NKAIN2: variants seen among roughly 807,000 people sequenced by gnomAD.
NKAIN2 encodes sodium/potassium-transporting ATPase subunit beta-1-interacting protein 2.
In NKAIN2, 14 loss-of-function variants were observed where a neutral mutation model predicts 32.6. The observed-to-expected ratio is 0.43, with a 90% confidence interval of 0.28 to 0.67. The LOEUF is 0.67. Among genes scored for constraint, NKAIN2 ranks in the 30% least tolerant of loss-of-function variants. NKAIN2 has a pLI of 0.17. For synonymous variants in NKAIN2, 80 were observed against 87.2 expected, an observed-to-expected ratio of 0.92 and a Z score of 0.46; for missense variants, 198 against 258.3, an observed-to-expected ratio of 0.77 and a Z score of 1.60.
chr6:124,542,001 A>G (rs1395626339), intron 3 of NKAIN2, among the ~76,000 whole-genome samples: 2 of 152,174 alleles, frequency 1.3e-5, no homozygotes, highest in Non-Finnish European at 2.9e-5. Flanking sequence ...AGAAACTACC[A>G]TATATTTAGC....
At chr6:124,501,143 G>C (rs920251534) in intron 3 of NKAIN2, among the ~76,000 whole-genome samples, 2 of 152,074 alleles carry the variant, frequency 1.3e-5, no homozygotes, top group African/African-American at 4.8e-5. Flanking sequence ...AGTCAGAGAG[G>C]ATCATTTTGC....
At chr6:124,791,296 G>T in intron 4 of NKAIN2, 43 bp from the exon 5 acceptor site, 1 of 1,489,256 alleles carries the variant, frequency 6.7e-7, no homozygotes, top group Non-Finnish European at 9.4e-7. Context: ...GTCTGGTGTT[G>T]GTGCCTTTTT....
intron 1 of NKAIN2, among the ~76,000 whole-genome samples, chr6:123,892,286 G>A (rs932319572): frequency 1.3e-5 from 2 of 152,208 alleles, no homozygotes; most frequent in African/African-American, 4.8e-5. Flanking sequence ...CCATTCTCAC[G>A]CTGCTGTGAA....
intron 3 of NKAIN2, among the ~76,000 whole-genome samples, chr6:124,635,342 G>T (rs1783735599): frequency 6.6e-6 from 1 of 151,806 alleles, no homozygotes; most frequent in African/African-American, 2.4e-5. Context: ...ACAGAGAAAA[G>T]AATCAAATGA....
At chr6:124,731,371 A>G (rs1776657196) in intron 4 of NKAIN2, among the ~76,000 whole-genome samples, 1 of 151,862 alleles carries the variant, frequency 6.6e-6, no homozygotes, top group South Asian at 2.1e-4. Context: ...ATGGAATACT[A>G]TGCAGCCATA....
At chr6:124,654,008 C>A (rs912958736) in intron 3 of NKAIN2, among the ~76,000 whole-genome samples, 1 of 151,924 alleles carries the variant, frequency 6.6e-6, no homozygotes, top group African/African-American at 2.4e-5. Flanking sequence ...TTCATACAAC[C>A]AAATTTTAGA....
At chr6:124,227,850 A>T (rs1289779504) in intron 1 of NKAIN2, among the ~76,000 whole-genome samples, 1 of 152,106 alleles carries the variant, frequency 6.6e-6, no homozygotes, top group Non-Finnish European at 1.5e-5. Flanking sequence ...AATAAAAAAG[A>T]TCTGTCTTAG....
At chr6:124,318,594 T>C (rs902373865) in intron 2 of NKAIN2, among the ~76,000 whole-genome samples, 13 of 152,070 alleles carry the variant, frequency 8.5e-5, no homozygotes, top group African/African-American at 3.1e-4. Flanking sequence ...TTGCCATTTG[T>C]TTTCTTTACT....
intron 5 of NKAIN2, among the ~76,000 whole-genome samples, chr6:124,802,572 A>C (rs1780309846): frequency 6.6e-6 from 1 of 152,074 alleles, no homozygotes; most frequent in Non-Finnish European, 1.5e-5. Context: ...CGGATTCATA[A>C]TTTTCTGACT....
chr6:124,275,472 G>A (rs148397240), intron 1 of NKAIN2, among the ~76,000 whole-genome samples: 1 of 152,082 alleles, frequency 6.6e-6, no homozygotes, highest in Non-Finnish European at 1.5e-5. Context: ...TTATTGTGAT[G>A]AACTATGTGG....
intron 4 of NKAIN2, among the ~76,000 whole-genome samples, chr6:124,684,458 G>A (rs1017194309): frequency 1.3e-5 from 2 of 152,084 alleles, no homozygotes; most frequent in Non-Finnish European, 2.9e-5. Flanking sequence ...TAATTCTGAT[G>A]CAAATTAAAC....
chr6:124,564,727 T>C (rs1384304597), intron 3 of NKAIN2, among the ~76,000 whole-genome samples: 2 of 152,284 alleles, frequency 1.3e-5, no homozygotes, highest in East Asian at 1.9e-4. Flanking sequence ...GGCAGGAGGC[T>C]GTAAAAGAGG....
intron 2 of NKAIN2, among the ~76,000 whole-genome samples, chr6:124,312,783 C>T (rs1355580119): frequency 6.6e-6 from 1 of 152,170 alleles, no homozygotes; most frequent in Non-Finnish European, 1.5e-5. Flanking sequence ...GTGGGGGAAA[C>T]CCAGCAAGGC....
intron 4 of NKAIN2, among the ~76,000 whole-genome samples, chr6:124,698,372 G>A (rs1774605504): frequency 6.6e-6 from 1 of 152,152 alleles, no homozygotes; most frequent in Non-Finnish European, 1.5e-5. Context: ...TGCAGCTCCA[G>A]GGAAAATATG....
chr6:123,945,343 A>T (rs1490351), intron 1 of NKAIN2, among the ~76,000 whole-genome samples: 6,203 of 152,190 alleles, frequency 0.041, 397 homozygotes, highest in African/African-American at 0.14. Context: ...GTATATTAAG[A>T]ATTTTAATAT....
chr6:124,102,186 A>G (rs1784918514), intron 1 of NKAIN2, among the ~76,000 whole-genome samples: 1 of 152,222 alleles, frequency 6.6e-6, no homozygotes, highest in South Asian at 2.1e-4. Context: ...GGAAAAGGAC[A>G]ACATGATGTG....
At chr6:123,897,762 G>A (rs1444324303) in intron 1 of NKAIN2, among the ~76,000 whole-genome samples, 1 of 152,108 alleles carries the variant, frequency 6.6e-6, no homozygotes, top group Non-Finnish European at 1.5e-5. Context: ...TCTTGAATTA[G>A]GAATGAATGA....
At chr6:124,818,007 A>AATGACCACTCAAG (rs1191454677) in intron 5 of NKAIN2, among the ~76,000 whole-genome samples, 2,475 of 152,310 alleles carry the variant, frequency 0.016, no homozygotes, top group African/African-American at 0.054. Context: ...TTATATTTAT[A>AATGACCACTCAAG]TGCTGTAACA....
chr6:124,617,850 T>C (rs1782964360), intron 3 of NKAIN2, among the ~76,000 whole-genome samples: 1 of 152,162 alleles, frequency 6.6e-6, no homozygotes, highest in African/African-American at 2.4e-5. Flanking sequence ...ATTTTTTTCA[T>C]TTTTATAACT....
Sources: allele counts gnomAD v4.1 joint callset (sites outside exome capture counted in the v4.1 genomes callset), GRCh38; gene constraint gnomAD v4.1.1; transcripts MANE v1.5; gene names NCBI Gene and HGNC (gene_info 2026-07-23, HGNC 2026-07-21).